Variants in SNTB1 observed in about 807,000 individuals in gnomAD.
SNTB1 encodes the protein syntrophin beta 1.
A neutral mutation model predicts 48.9 loss-of-function variants in SNTB1; 36 were observed. The ratio of observed to expected loss-of-function variants is 0.74; its 90% confidence interval spans 0.56 to 0.97. The LOEUF (loss-of-function observed/expected upper bound fraction) is 0.97, where lower values mean the gene tolerates loss of function less well. SNTB1 is among the 50% of genes least tolerant of loss of function. SNTB1 has a pLI of 0.00. For synonymous variants in SNTB1, 299 were observed against 294.6 expected (o/e 1.01, Z -0.15); for missense variants, 786 against 703.4 (o/e 1.12, Z -1.33).
At chr8:120,555,556 C>A (rs1192402237) in intron 4 of SNTB1, among the ~76,000 whole-genome samples, 1 of 152,146 alleles carries the variant, frequency 6.6e-6, no homozygotes, top group Non-Finnish European at 1.5e-5. Context: ...GTAGTTCCTG[C>A]CGGCATTCAC....
At chr8:120,777,687 C>T (rs1056261651) in intron 1 of SNTB1, among the ~76,000 whole-genome samples, 4 of 152,220 alleles carry the variant, frequency 2.6e-5, no homozygotes, top group Non-Finnish European at 5.9e-5. Context: ...ATTAGGACCA[C>T]ATTTTTCCTA....
chr8:120,548,878 TGCCTGGTA>T lies in SNTB1; in HGVS notation c.1209_1216del (p.Thr404ArgfsTer3). ...TCTGAAGAGATGTGTTTCAATCCCT[TGCCTGGTA>T]CCAGTTCGCGTTGCAAAGGACAGAT... On this transcript the variant is annotated frameshift_variant, in exon 5 of 7. Coordinates refer to ENST00000517992, the MANE Select transcript of SNTB1 (RefSeq NM_021021.4). LOFTEE classifies it high-confidence loss of function. The T allele has an allele frequency of 6.2e-7, 1 of 1,613,938 alleles. No individual in the cohort carries two copies. Among genetic ancestry groups the T allele is most frequent in the Non-Finnish European group, 8.5e-7 (1 of 1,179,916 alleles).
chr8:120,630,377 C>T (rs1481156556), intron 3 of SNTB1, among the ~76,000 whole-genome samples: 1 of 152,244 alleles, frequency 6.6e-6, no homozygotes, highest in Admixed American at 6.5e-5. Flanking sequence ...GTAACTGCTG[C>T]TTCTCCTTGC....
At chr8:120,654,411 C>T (rs1483898675) in intron 2 of SNTB1, among the ~76,000 whole-genome samples, 3 of 152,140 alleles carry the variant, frequency 2.0e-5, no homozygotes, top group Non-Finnish European at 4.4e-5. Context: ...CTGACCACTG[C>T]TTGATGAATT....
intron 1 of SNTB1, among the ~76,000 whole-genome samples, chr8:120,796,459 A>T (rs1411775983): frequency 1.3e-5 from 2 of 152,010 alleles, no homozygotes; most frequent in Non-Finnish European, 2.9e-5. Context: ...AAAAATAGAG[A>T]TTAAAAAATG....
At chr8:120,632,344 A>T in intron 3 of SNTB1, 100 bp downstream of exon 3, 2 of 1,080,298 alleles carry the variant, frequency 1.9e-6, no homozygotes, top group East Asian at 2.6e-5. Context: ...CAGACTGTGA[A>T]TGAGAGAATC....
intron 3 of SNTB1, among the ~76,000 whole-genome samples, chr8:120,628,171 C>T (rs1816914698): frequency 6.6e-6 from 1 of 152,090 alleles, no homozygotes; most frequent in Admixed American, 6.6e-5. Flanking sequence ...AAATAGTTTG[C>T]AAACCGAGAT....
At chr8:120,798,166 C>A (rs1366993391) in intron 1 of SNTB1, among the ~76,000 whole-genome samples, 1 of 151,986 alleles carries the variant, frequency 6.6e-6, no homozygotes, top group Non-Finnish European at 1.5e-5. Context: ...CAGTTAATGA[C>A]CAGCCTTGAT....
rs527592349 is a variant in SNTB1 at position 120,608,229 on chromosome 8, C to T, written c.996+24215G>A. ...TTTCAAATTGCAAAAGATAAAAATT[C>T]TCCATGAGAACTAGTTAATGAACAC... On this transcript the variant is annotated intron_variant, in intron 3 of 6. Coordinates refer to ENST00000517992, the MANE Select transcript of SNTB1 (RefSeq NM_021021.4). Among the ~76,000 whole-genome samples the T allele has an allele frequency of 3.3e-5, 5 of 152,254 alleles. No homozygotes were observed. The East Asian group carries it at 9.7e-4, about 29-fold the overall frequency.
rs559826360 is a variant in SNTB1 at position 120,801,192 on chromosome 8, T to C, written c.571+10081A>G. 1.0e-3 allele frequency among the ~76,000 whole-genome samples: 158 copies of C among 152,156 alleles called. 2 individuals are homozygous for C. Among genetic ancestry groups the C allele is most frequent in the African/African-American group, 3.7e-3 (153 of 41,540 alleles). On this transcript the variant is annotated intron_variant, in intron 1 of 6. Coordinates refer to ENST00000517992, the MANE Select transcript of SNTB1 (RefSeq NM_021021.4). ...AAAATATCATTAACCTTGATTTTCA[T>C]TGCAGATGAAAGAATGTTTCAGATG...
At position 120,693,765 on chromosome 8, in the gene SNTB1, T is replaced by C. The variant is rs1422306487; in HGVS notation, c.715A>G (p.Arg239Gly). 2 of 1,613,934 alleles carry C rather than the reference T, an allele frequency of 1.2e-6. No individual in the cohort carries two copies. The highest frequency in any genetic ancestry group is 1.7e-6 in the Non-Finnish European group (2 of 1,179,952). The part of the protein sequence containing the change: ...PPSSQSFSFH[R>G]DRKSIPLKMC... ...TTGAGGGGGATGCTTTTCCGGTCTC[T>C]GTGGAAGGAGAAGGACTGCGATGAC... Residue 239 changes from arginine (R) to glycine (G), a missense_variant, in exon 2 of 7, where the codon AGA becomes GGA. Transcript: ENST00000517992.
chr8:120,678,562 A>G (rs4387018), intron 2 of SNTB1, among the ~76,000 whole-genome samples: 23,153 of 152,192 alleles, frequency 0.15, 3,316 homozygotes, highest in African/African-American at 0.38. Flanking sequence ...CAGTGGCTAA[A>G]AGAAATCTTT....
At chr8:120,613,839 T>C (rs1158618393) in intron 3 of SNTB1, among the ~76,000 whole-genome samples, 1 of 152,246 alleles carries the variant, frequency 6.6e-6, no homozygotes, top group Non-Finnish European at 1.5e-5. Flanking sequence ...TTTTCAGTTA[T>C]TTGATTGTGG....
At chr8:120,637,659 A>G (rs1817104571) in intron 2 of SNTB1, 7 of 340,214 alleles carry the variant, frequency 2.1e-5, no homozygotes, top group South Asian at 1.8e-4. Flanking sequence ...AACATTTATT[A>G]TTTTAGGAAG....
At chr8:120,776,275 T>C (rs1371054257) in intron 1 of SNTB1, 1 of 152,222 alleles carries the variant, frequency 6.6e-6, no homozygotes, top group African/African-American at 2.4e-5. Flanking sequence ...TTCAGGTCAG[T>C]TTCCTTGACT....
rs749055360 is a variant in SNTB1, at chr8:120,541,790, C to T, written c.1524+20G>A. ...ATATTAATATATGAAATCACACTGT[C>T]TAAAGAAAAGTACACTTACAATCTC... On this transcript the variant is annotated intron_variant, in intron 6 of 6. Transcript: ENST00000517992. The T allele has an allele frequency of 1.3e-6, 2 of 1,575,506 alleles. No individual in the cohort carries two copies. Among genetic ancestry groups the T allele is most frequent in the Non-Finnish European group, 1.7e-6 (2 of 1,154,918 alleles).
intron 1 of SNTB1, among the ~76,000 whole-genome samples, chr8:120,758,861 TTCC>T (rs1349412312): frequency 6.6e-6 from 1 of 152,130 alleles, no homozygotes; most frequent in African/African-American, 2.4e-5. Context: ...TATTGTATAT[TTCC>T]TTGTTGTCTG....
At chr8:120,780,627 T>C (rs1182487297) in intron 1 of SNTB1, among the ~76,000 whole-genome samples, 15 of 152,246 alleles carry the variant, frequency 9.9e-5, no homozygotes, top group Admixed American at 4.6e-4. Context: ...GTTTCAACTC[T>C]GTTTTCTCTC....
intron 1 of SNTB1, among the ~76,000 whole-genome samples, chr8:120,694,351 A>T (rs1818177041): frequency 6.6e-6 from 1 of 152,156 alleles, no homozygotes; most frequent in Non-Finnish European, 1.5e-5. Context: ...AGGGTTTTCA[A>T]TTTAATAGTG....
Sources: gnomAD v4.1 joint callset for allele counts (sites outside exome capture counted in the v4.1 genomes callset) on GRCh38, gnomAD v4.1.1 for gene constraint, MANE v1.5 for transcripts, NCBI Gene and HGNC (gene_info 2026-07-23, HGNC 2026-07-21) for gene names.